Variants in PGPEP1L observed in about 807,000 individuals in gnomAD.
PGPEP1L encodes pyroglutamyl-peptidase 1-like protein.
PGPEP1L carries 7 observed loss-of-function variants against 6.0 expected under a neutral mutation model. The ratio of observed to expected loss-of-function variants is 1.17; its 90% CI spans 0.66 to 2.19. PGPEP1L has a LOEUF of 2.19. Ranked by LOEUF, PGPEP1L falls within the 30% of genes most tolerant of loss-of-function variation. The probability of loss-of-function intolerance (pLI) is 0.00; values close to 1 mark genes in which losing one functional copy is unlikely to be tolerated. For missense variants in PGPEP1L, 209 were observed against 192.5 expected (o/e 1.09, Z -0.51); for synonymous variants, 103 against 83.9 (o/e 1.23, Z -1.24).
chr15:99,004,970 C>T (rs1477725216), intron 2 of PGPEP1L, among the ~76,000 whole-genome samples: 3 of 151,886 alleles, frequency 2.0e-5, no homozygotes, highest in African/African-American at 7.3e-5. Context: ...CTGTGTGTTC[C>T]TTTGCGGGTG....
rs1032845762 is a variant in PGPEP1L at position 98,990,735 on chromosome 15, C to T, written c.-142+14694G>A. 4.6e-5 allele frequency among the ~76,000 whole-genome samples: 7 copies of T among 152,042 alleles called. 1 individual carries two copies. The highest frequency in any genetic ancestry group is 8.8e-5 in the Non-Finnish European group (6 of 67,984). On this transcript the variant is annotated intron_variant, in intron 2 of 4. Coordinates refer to ENST00000535714, the MANE Select transcript of PGPEP1L (RefSeq NM_001167902.2). ...GAAGTAAAACACTCCTCAGCAAATG[C>T]AAAAGAATGGAAATCATAATAAACA...
chr15:98,988,524 G>C (rs568714394), intron 2 of PGPEP1L, among the ~76,000 whole-genome samples: 4 of 152,352 alleles, frequency 2.6e-5, no homozygotes, highest in African/African-American at 9.6e-5. Context: ...CCATCTCCCT[G>C]GGACAGAGCA....
At chr15:98,980,668 A>C (rs1298045424) in intron 2 of PGPEP1L, among the ~76,000 whole-genome samples, 2 of 152,138 alleles carry the variant, frequency 1.3e-5, no homozygotes, top group East Asian at 3.9e-4. Context: ...GCAGTGGCTC[A>C]CGCCTGTAAT....
intron 2 of PGPEP1L, among the ~76,000 whole-genome samples, chr15:99,001,505 G>A (rs1480317361): frequency 1.3e-5 from 2 of 152,148 alleles, no homozygotes; most frequent in African/African-American, 2.4e-5. Flanking sequence ...ATGTAACTTC[G>A]TGACTATACT....
intron 2 of PGPEP1L, among the ~76,000 whole-genome samples, chr15:98,984,429 A>C (rs1161875878): frequency 2.0e-5 from 3 of 152,212 alleles, no homozygotes; most frequent in Non-Finnish European, 4.4e-5. Flanking sequence ...TCTAGTGAAC[A>C]CATAGCCGGG....
intron 2 of PGPEP1L, among the ~76,000 whole-genome samples, chr15:98,998,543 A>T (rs1190113920): frequency 2.0e-5 from 3 of 152,222 alleles, no homozygotes; most frequent in Admixed American, 6.5e-5. Flanking sequence ...TGCAAAAGCA[A>T]TTTCAATGGA....
At chr15:98,990,001 C>T (rs1178795128) in intron 2 of PGPEP1L, among the ~76,000 whole-genome samples, 1 of 152,134 alleles carries the variant, frequency 6.6e-6, no homozygotes, top group Non-Finnish European at 1.5e-5. Flanking sequence ...TGGAAAGGAA[C>T]CACCGGTAAC....
chr15:98,968,675 A>G lies in PGPEP1L; in HGVS notation c.232T>C (p.Tyr78His). The change falls in exon 5 of 5, where the codon TAC becomes CAC. Residue 78 changes from tyrosine (Y) to histidine (H), a missense_variant. Tyr to His is a moderately conservative substitution (Grantham distance 83). Transcript: ENST00000535714. ...AGRYVCDYTY[Y>H]LSLHHGKGCA... ...CCCTTTCCATGATGCAGAGACAGGT[A>G]ATAGGTATAATCACAGACGTATCTG... The G allele has an allele frequency of 6.3e-7, 1 of 1,576,064 alleles. No homozygotes were observed.
chr15:98,975,075 CATGA>C (rs150208402), intron 2 of PGPEP1L, among the ~76,000 whole-genome samples: 9,548 of 152,116 alleles, frequency 0.063, 641 homozygotes, highest in East Asian at 0.36. Flanking sequence ...CCTAAGTGCC[CATGA>C]ATGAATGAAT....
chr15:99,002,013 G>A (rs1194631505), intron 2 of PGPEP1L, among the ~76,000 whole-genome samples: 2 of 151,798 alleles, frequency 1.3e-5, no homozygotes, highest in East Asian at 3.9e-4. Context: ...CATCGCACCT[G>A]GCCCTATTTT....
chr15:98,983,585 G>A (rs1249824631), intron 2 of PGPEP1L, among the ~76,000 whole-genome samples: 2 of 152,148 alleles, frequency 1.3e-5, no homozygotes, highest in Admixed American at 6.5e-5. Flanking sequence ...ATGAATATGA[G>A]GTGGTAGTGG....
chr15:98,970,591 T>G (rs1251412284), intron 3 of PGPEP1L, among the ~76,000 whole-genome samples: 2 of 152,164 alleles, frequency 1.3e-5, no homozygotes, highest in East Asian at 1.9e-4. Flanking sequence ...TATACAGTAA[T>G]TATGTCCAGA....
intron 2 of PGPEP1L, among the ~76,000 whole-genome samples, chr15:98,997,837 C>A (rs1555472635): frequency 6.6e-6 from 1 of 152,078 alleles, no homozygotes; most frequent in African/African-American, 2.4e-5. Flanking sequence ...TCGCTCTGGG[C>A]CAGCGAACCT....
chr15:99,006,265 C>G (rs1369904910), intron 1 of PGPEP1L, among the ~76,000 whole-genome samples: 1 of 152,200 alleles, frequency 6.6e-6, no homozygotes, highest in Non-Finnish European at 1.5e-5. Flanking sequence ...CAGAGGCTTG[C>G]CACCTAGCTA....
chr15:98,975,174 C>A (rs2017550403), intron 2 of PGPEP1L, among the ~76,000 whole-genome samples: 2 of 152,158 alleles, frequency 1.3e-5, no homozygotes, highest in African/African-American at 2.4e-5. Context: ...TTTGTAGCAA[C>A]ATGGATAGAA....
intron 3 of PGPEP1L, 39 bp from the exon 4 acceptor site, chr15:98,969,690 C>T (rs12441460): frequency 1.3e-5 from 21 of 1,593,352 alleles, no homozygotes; most frequent in Admixed American, 8.3e-5. Flanking sequence ...CCCAGGAAAA[C>T]GAGGCCCACC....
At chr15:98,995,775 C>T (rs1195419225) in intron 2 of PGPEP1L, among the ~76,000 whole-genome samples, 1 of 152,170 alleles carries the variant, frequency 6.6e-6, no homozygotes, top group Non-Finnish European at 1.5e-5. Context: ...TAGAATCTAT[C>T]ACGCCCAAAA....
At chr15:99,003,424 G>A (rs1453288741) in intron 2 of PGPEP1L, among the ~76,000 whole-genome samples, 13 of 150,510 alleles carry the variant, frequency 8.6e-5, no homozygotes, top group Middle Eastern at 3.4e-3. Context: ...AACTTGGTCA[G>A]CCCCCAGTGC....
intron 2 of PGPEP1L, among the ~76,000 whole-genome samples, chr15:98,998,835 A>T (rs1175226454): frequency 6.6e-6 from 1 of 152,152 alleles, no homozygotes; most frequent in Non-Finnish European, 1.5e-5. Flanking sequence ...AAAATTAGCC[A>T]GACATGGTGG....
Sources: gnomAD v4.1 joint callset for allele counts (sites outside exome capture counted in the v4.1 genomes callset) on GRCh38, gnomAD v4.1.1 for gene constraint, MANE v1.5 for transcripts, NCBI Gene and HGNC (gene_info 2026-07-23, HGNC 2026-07-21) for gene names.